The following DPP6 variants were observed in gnomAD, a reference collection of about 807,000 sequenced individuals.
DPP6 encodes the protein dipeptidyl peptidase like 6.
DPP6 carries 69 observed loss-of-function variants against 122.6 expected under a neutral mutation model. That is an observed-to-expected ratio of 0.56 (90% CI 0.46 to 0.69). DPP6 has a LOEUF of 0.69. Ranked by LOEUF, DPP6 falls within the 30% of genes least tolerant of loss-of-function variation. The probability of loss-of-function intolerance (pLI) is 0.00; values close to 1 mark genes in which losing one functional copy is unlikely to be tolerated. For synonymous variants in DPP6, 418 were observed against 433.1 expected, an observed-to-expected ratio of 0.97 and a Z score of 0.43; for missense variants, 928 against 1,116.9, an observed-to-expected ratio of 0.83 and a Z score of 2.41.
At chr7:154,176,475 T>C (rs1797806856) in intron 1 of DPP6, among the ~76,000 whole-genome samples, 1 of 152,216 alleles carries the variant, frequency 6.6e-6, no homozygotes, top group Admixed American at 6.5e-5. Context: ...AAAGAAAAGG[T>C]AATGTTATCA....
At chr7:153,851,919 A>T in the DPP6 span, among the ~76,000 whole-genome samples, 1 of 152,164 alleles carries the variant, frequency 6.6e-6, no homozygotes, top group Non-Finnish European at 1.5e-5. Context: ...TATTTGGCTG[A>T]TACACTAAGG....
the DPP6 span, among the ~76,000 whole-genome samples, chr7:153,822,689 T>C: frequency 6.6e-6 from 1 of 152,194 alleles, no homozygotes; most frequent in African/African-American, 2.4e-5. Context: ...ATGATGGGGA[T>C]GATTAAACTA....
chr7:154,420,662 AT>A (rs1260234456), intron 1 of DPP6, among the ~76,000 whole-genome samples: 2 of 152,204 alleles, frequency 1.3e-5, no homozygotes, highest in African/African-American at 4.8e-5. Context: ...ATAGTTAATA[AT>A]AATGTGTATT....
At chr7:153,933,163 T>A (rs1416167357) in intron 1 of DPP6, among the ~76,000 whole-genome samples, 1 of 152,224 alleles carries the variant, frequency 6.6e-6, no homozygotes, top group Non-Finnish European at 1.5e-5. Flanking sequence ...CATAGCAGTA[T>A]GAAAATGGAC....
chr7:154,407,098 C>T (rs6968471), intron 1 of DPP6, among the ~76,000 whole-genome samples: 7,804 of 152,252 alleles, frequency 0.051, 607 homozygotes, highest in African/African-American at 0.17. Context: ...ATTTTCTCCA[C>T]ACACTCCAGG....
intron 5 of DPP6, among the ~76,000 whole-genome samples, chr7:154,626,384 T>C: frequency 6.6e-6 from 1 of 152,236 alleles, no homozygotes; most frequent in Non-Finnish European, 1.5e-5. Context: ...AAATGTAAGC[T>C]TTTTATTTTA....
At chr7:154,109,719 G>C (rs1313497060) in intron 1 of DPP6, among the ~76,000 whole-genome samples, 1 of 151,106 alleles carries the variant, frequency 6.6e-6, no homozygotes, top group Non-Finnish European at 1.5e-5. Flanking sequence ...GAAGGGGAAA[G>C]ACAGTAAGAA....
intron 3 of DPP6, among the ~76,000 whole-genome samples, chr7:154,508,707 G>A (rs1234572249): frequency 1.3e-5 from 2 of 152,172 alleles, no homozygotes; most frequent in Non-Finnish European, 2.9e-5. Context: ...AGAGGAATTT[G>A]GAAAATGTAG....
At chr7:154,225,912 C>A (rs564223246) in intron 1 of DPP6, among the ~76,000 whole-genome samples, 1 of 152,212 alleles carries the variant, frequency 6.6e-6, no homozygotes, top group African/African-American at 2.4e-5. Flanking sequence ...TGCTTCAAAG[C>A]AACCTCACAG....
At chr7:153,808,381 G>A in the DPP6 span, among the ~76,000 whole-genome samples, 1 of 151,754 alleles carries the variant, frequency 6.6e-6, no homozygotes, top group African/African-American at 2.4e-5. Flanking sequence ...GTGTGCCTGT[G>A]TGTGCGTGTG....
chr7:154,406,478 T>C lies in DPP6; in HGVS notation c.244-39736T>C, dbSNP rs371890172. Among the ~76,000 whole-genome samples the C allele has an allele frequency of 6.5e-4, 95 of 146,718 alleles. 1 individual carries two copies. The highest frequency in any genetic ancestry group is 2.3e-3 in the African/African-American group (91 of 39,816). ...ACATGCACATGCACACGCACACGCA[T>C]ACACACACACACATGCACACATACA... On this transcript the variant is annotated intron_variant, in intron 1 of 25. Transcript: ENST00000377770.
intron 1 of DPP6, among the ~76,000 whole-genome samples, chr7:154,044,063 C>T (rs1345114111): frequency 6.6e-6 from 1 of 151,660 alleles, no homozygotes; most frequent in African/African-American, 2.4e-5. Context: ...AGCTGAGAGT[C>T]ACTGTTGTTG....
At chr7:154,365,385 C>T (rs1471514582) in intron 1 of DPP6, among the ~76,000 whole-genome samples, 1 of 152,216 alleles carries the variant, frequency 6.6e-6, no homozygotes, top group Admixed American at 6.5e-5. Context: ...AAGGTGCGAT[C>T]TCCACTTGCC....
At chr7:153,810,678 C>A in the DPP6 span, among the ~76,000 whole-genome samples, 1 of 63,222 alleles carries the variant, frequency 1.6e-5, no homozygotes, top group Non-Finnish European at 3.2e-5. Flanking sequence ...TCTCCTCTCT[C>A]TCTCTCTCTC....
intron 8 of DPP6, among the ~76,000 whole-genome samples, chr7:154,766,194 T>C (rs59209795): frequency 0.02 from 3,110 of 152,320 alleles, 96 homozygotes; most frequent in African/African-American, 0.071. Flanking sequence ...GCACAGGTTC[T>C]TCGCATGTGC....
intron 10 of DPP6, among the ~76,000 whole-genome samples, chr7:154,789,817 A>C (rs1797565465): frequency 6.6e-6 from 1 of 152,240 alleles, no homozygotes; most frequent in Non-Finnish European, 1.5e-5. Flanking sequence ...CCTTGTCCCC[A>C]GAAAGCTGCT....
intron 1 of DPP6, among the ~76,000 whole-genome samples, chr7:154,276,175 T>G (rs6951109): frequency 0.029 from 4,426 of 152,346 alleles, 218 homozygotes; most frequent in African/African-American, 0.098. Flanking sequence ...GGATATTATC[T>G]TACAAATACC....
intron 10 of DPP6, among the ~76,000 whole-genome samples, chr7:154,779,275 C>T (rs1474921212): frequency 7.0e-5 from 6 of 86,152 alleles, no homozygotes; most frequent in African/African-American, 9.7e-5. Context: ...CTATCACCAC[C>T]TCCACCACCA....
intron 1 of DPP6, among the ~76,000 whole-genome samples, chr7:153,959,996 T>G (rs1398848951): frequency 6.6e-6 from 1 of 152,240 alleles, no homozygotes; most frequent in African/African-American, 2.4e-5. Context: ...GAAGCTATTG[T>G]TGGTTGATTA....
Sources: allele counts gnomAD v4.1 joint callset (sites outside exome capture counted in the v4.1 genomes callset), GRCh38; gene constraint gnomAD v4.1.1; transcripts MANE v1.5; gene names NCBI Gene and HGNC (gene_info 2026-07-23, HGNC 2026-07-21).